The following COL14A1 variants were observed in gnomAD, a reference collection of about 807,000 sequenced individuals.
The protein encoded by COL14A1 is collagen type XIV alpha 1 chain, also known as collagen alpha-1(XIV) chain.
In COL14A1, 136 loss-of-function variants were observed where a neutral mutation model predicts 230.3. The ratio of observed to expected loss-of-function variants is 0.59; its 90% confidence interval spans 0.51 to 0.68. The LOEUF (loss-of-function observed/expected upper bound fraction) is 0.68. COL14A1 is among the 30% of genes least tolerant of loss of function. The pLI is 0.00. For synonymous variants in COL14A1, 792 were observed against 784.1 expected, an observed-to-expected ratio of 1.01 and a Z score of -0.17; for missense variants, 1,976 against 2,215.8, an observed-to-expected ratio of 0.89 and a Z score of 2.17.
rs1050158311 is a variant in COL14A1, at chr8:120,206,841, G to C, written c.1040-102G>C. ...CTTATCTAAAGAGGAAAATCTTAGA[G>C]GCAGCATAAAATCAATATTTATTTC... On this transcript the variant is annotated intron_variant, in intron 9 of 47. Coordinates refer to ENST00000297848, the MANE Select transcript of COL14A1 (RefSeq NM_021110.4). The C allele has an allele frequency of 4.3e-6, 5 of 1,157,046 alleles. No homozygotes were observed. The African/African-American group carries it at 6.3e-5, about 15-fold the overall frequency. 71.7% of individuals were successfully genotyped at this position (1,157,046 alleles called of 1,614,324 possible). A position where few individuals can be genotyped will look rare whatever the true frequency, so the allele number is the denominator to read the frequency against.
intron 26 of COL14A1, among the ~76,000 whole-genome samples, chr8:120,274,127 C>T (rs556089315): frequency 2.0e-4 from 31 of 151,810 alleles, no homozygotes; most frequent in Middle Eastern, 3.4e-3. Context: ...GAAGATAATA[C>T]GCTGTGATCA....
chr8:120,130,885 C>T (rs58881028), intron 1 of COL14A1, among the ~76,000 whole-genome samples: 2,231 of 152,128 alleles, frequency 0.015, 135 homozygotes, highest in Admixed American at 0.1. Flanking sequence ...TTCCTTCCCT[C>T]GCTATTAGTC....
At chr8:120,193,776 G>A (rs549240484) in intron 5 of COL14A1, among the ~76,000 whole-genome samples, 5 of 152,246 alleles carry the variant, frequency 3.3e-5, no homozygotes, top group East Asian at 3.9e-4. Flanking sequence ...CCCCAGCCTC[G>A]CTGCCACCTT....
chr8:120,267,259 A>AT (rs2129799199), intron 25 of COL14A1, among the ~76,000 whole-genome samples: 1 of 152,004 alleles, frequency 6.6e-6, no homozygotes, highest in African/African-American at 2.4e-5. Flanking sequence ...TTCTTTCCTC[A>AT]TCACAACAGT....
At chr8:120,156,085 G>A (rs1815468143) in intron 2 of COL14A1, among the ~76,000 whole-genome samples, 1 of 152,022 alleles carries the variant, frequency 6.6e-6, no homozygotes, top group African/African-American at 2.4e-5. Context: ...AGTGCTTACT[G>A]ATTTCAGATG....
Position 120,238,088 on chromosome 8 carries a change from G to C in COL14A1, c.2350-5791G>C, listed in dbSNP as rs369165408. Among the ~76,000 whole-genome samples, 119 of 152,296 alleles carry C rather than the reference G, an allele frequency of 7.8e-4. 1 individual carries two copies. Among genetic ancestry groups the C allele is most frequent in the African/African-American group, 2.7e-3 (112 of 41,560 alleles). On this transcript the variant is annotated intron_variant, in intron 19 of 47. Transcript: ENST00000297848. ...CCCCATCAGGAGGCACGGGGGTCAGGGACCCATTTGAGGAGACTGTCTGTC... is the reference window on the plus strand; with the variant it reads ...CCCCATCAGGAGGCACGGGGGTCAGCGACCCATTTGAGGAGACTGTCTGTC...
Position 120,372,839 on chromosome 8 carries a change from G to A in COL14A1, c.*1608G>A, listed in dbSNP as rs892419337. Among the ~76,000 whole-genome samples, 4 of 151,984 alleles carry A rather than the reference G, an allele frequency of 2.6e-5. No homozygotes were observed. The highest frequency in any genetic ancestry group is 1.9e-4 in the East Asian group (1 of 5,174). On this transcript the variant is annotated 3_prime_UTR_variant, in exon 48 of 48. Coordinates refer to ENST00000297848, the MANE Select transcript of COL14A1 (RefSeq NM_021110.4). ...GTGGGGTGGGGCAGGGGCGGGGGGCGGTTCTAAACAAATCAGTTTTTTTGG... is the reference window on the plus strand; with the variant it reads ...GTGGGGTGGGGCAGGGGCGGGGGGCAGTTCTAAACAAATCAGTTTTTTTGG...
chr8:120,363,840 G>A (rs1017828170), intron 45 of COL14A1, among the ~76,000 whole-genome samples: 1 of 152,118 alleles, frequency 6.6e-6, no homozygotes, highest in African/African-American at 2.4e-5. Flanking sequence ...TCACTCATTT[G>A]TTCTTTCATT....
intron 40 of COL14A1, among the ~76,000 whole-genome samples, chr8:120,324,409 A>T (rs1365022171): frequency 2.0e-5 from 3 of 152,168 alleles, no homozygotes; most frequent in Non-Finnish European, 4.4e-5. Flanking sequence ...CCGGATCTGT[A>T]GCCTGGGACA....
chr8:120,288,266 A>G (rs1820268169), intron 33 of COL14A1, among the ~76,000 whole-genome samples: 1 of 152,124 alleles, frequency 6.6e-6, no homozygotes. Flanking sequence ...ATGTTTCCAT[A>G]CTTGGGCAAT....
chr8:120,230,506 G>T (rs1387338080), intron 18 of COL14A1, among the ~76,000 whole-genome samples: 2 of 151,816 alleles, frequency 1.3e-5, no homozygotes, highest in Non-Finnish European at 2.9e-5. Context: ...GTTGGGTCCT[G>T]CTTCCCTTCC....
Position 120,206,878 on chromosome 8 carries a change from A to T in COL14A1, c.1040-65A>T, listed in dbSNP as rs556360736. ...TCAATATTTATTTCTGTCTAATGAG[A>T]TGTCTTAGCTTCATAAGAAATAACT... On this transcript the variant is annotated intron_variant, in intron 9 of 47. Coordinates refer to ENST00000297848, the MANE Select transcript of COL14A1 (RefSeq NM_021110.4). 1.1e-5 allele frequency: 16 copies of T among 1,419,072 alleles called. No homozygotes were observed. In the African/African-American group the frequency reaches 2.0e-4, roughly 18 times the overall value. 87.9% of individuals were successfully genotyped at this position (1,419,072 alleles called of 1,614,324 possible).
chr8:120,370,691 T>C (rs1293532480), intron 47 of COL14A1: 2 of 1,425,074 alleles, frequency 1.4e-6, no homozygotes, highest in East Asian at 6.7e-5. Flanking sequence ...AGCTTCATAA[T>C]AAAGTTACTT....
At position 120,285,859 on chromosome 8, in the gene COL14A1, A is replaced by G. The variant is rs200081186; in HGVS notation, c.3968-2A>G. 1.3e-6 allele frequency: 2 copies of G among 1,543,068 alleles called. No homozygotes were observed. The highest frequency in any genetic ancestry group is 1.9e-5 in the Admixed American group (1 of 51,596). On this transcript the variant is annotated splice_acceptor_variant, in intron 32 of 47. Coordinates refer to ENST00000297848, the MANE Select transcript of COL14A1 (RefSeq NM_021110.4). LOFTEE classifies it high-confidence loss of function. ...AAAATATTTTTATTTTTCTTTCAAT[A>G]GATGGTGGGAAAACTCTAACATATT... is the stretch of plus-strand genomic sequence containing the variant.
In COL14A1 at chr8:120,125,309, C is replaced by T. The variant is rs1318913592; in HGVS notation, c.-69C>T. 1.3e-5 allele frequency: 2 copies of T among 152,338 alleles called. No individual in the cohort carries two copies. Among genetic ancestry groups the T allele is most frequent in the African/African-American group, 4.8e-5 (2 of 41,474 alleles). The allele number at this position is 152,338 out of a possible 1,614,324, so 9.4% of individuals were successfully genotyped here. A position where few individuals can be genotyped will look rare whatever the true frequency, so the allele number is the denominator to read the frequency against. On this transcript the variant is annotated 5_prime_UTR_variant, in exon 1 of 48. Transcript: ENST00000297848. Reference sequence around the variant, plus strand: ...CGATCTTGCCTAGGCGCGGAGAGCTCCCAACCTGGGCTGGAACCTTGCCCA... The same window carrying T: ...CGATCTTGCCTAGGCGCGGAGAGCTTCCAACCTGGGCTGGAACCTTGCCCA...
chr8:120,206,142 T>G (rs536378400), intron 9 of COL14A1, among the ~76,000 whole-genome samples: 1 of 152,314 alleles, frequency 6.6e-6, no homozygotes, highest in East Asian at 1.9e-4. Context: ...AAACATAGAC[T>G]CTTGTGTCAA....
chr8:120,350,232 G>A (rs1450065953), intron 45 of COL14A1, among the ~76,000 whole-genome samples: 1 of 152,016 alleles, frequency 6.6e-6, no homozygotes, highest in Non-Finnish European at 1.5e-5. Flanking sequence ...AGCTCCTGAA[G>A]GAAGCAATAA....
chr8:120,316,971 A>G (rs1363294855), intron 40 of COL14A1, among the ~76,000 whole-genome samples: 1 of 152,074 alleles, frequency 6.6e-6, no homozygotes, highest in Non-Finnish European at 1.5e-5. Context: ...TAAATCATCT[A>G]TTTTTTCCAA....
intron 17 of COL14A1, among the ~76,000 whole-genome samples, chr8:120,228,430 G>A (rs1009709804): frequency 6.6e-5 from 10 of 152,142 alleles, no homozygotes; most frequent in Admixed American, 1.3e-4. Context: ...AAAGTAATTG[G>A]GTGGTTTCAC....
Sources: gnomAD v4.1 joint callset for allele counts (sites outside exome capture counted in the v4.1 genomes callset) on GRCh38, gnomAD v4.1.1 for gene constraint, MANE v1.5 for transcripts, NCBI Gene and HGNC (gene_info 2026-07-23, HGNC 2026-07-21) for gene names.